KBTBD2: variants seen among roughly 807,000 people sequenced by gnomAD.
KBTBD2 encodes the protein kelch repeat and BTB domain-containing protein 2.
Under a neutral mutation model 57.1 loss-of-function variants are expected in KBTBD2, and 17 were observed. The ratio of observed to expected loss-of-function variants is 0.30; its 90% CI spans 0.20 to 0.45. The LOEUF (loss-of-function observed/expected upper bound fraction) is 0.45. KBTBD2 is among the 20% of genes least tolerant of loss of function. KBTBD2 has a pLI of 1.00. For missense variants in KBTBD2, 515 were observed against 750.6 expected, an observed-to-expected ratio of 0.69 and a Z score of 3.67; for synonymous variants, 267 against 262.7, an observed-to-expected ratio of 1.02 and a Z score of -0.16.
At chr7:32,874,441 TA>T (rs1318966211) in intron 3 of KBTBD2, 1 of 150,280 alleles carries the variant, frequency 6.7e-6, no homozygotes, top group African/African-American at 2.5e-5. Flanking sequence ...AATAAATAAA[TA>T]AAAATAGTAG....
At position 32,891,662 on chromosome 7, in the gene KBTBD2, C is replaced by A. The variant is rs1784749919; in HGVS notation, c.-465G>T. On this transcript the variant is annotated 5_prime_UTR_variant, in exon 1 of 4. Transcript: ENST00000304056. ...GGCCTCGCCTGGGGTCTCGCCTCCG[C>A]CTCCGGCCGAGGAAGGCTGGCGCCG... 6.6e-6 allele frequency: 1 copy of A among 151,242 alleles called. No homozygotes were observed. Among genetic ancestry groups the A allele is most frequent in the Non-Finnish European group, 1.5e-5 (1 of 67,972 alleles). 9.4% of individuals were successfully genotyped at this position (151,242 alleles called of 1,614,324 possible).
chr7:32,874,902 C>T (rs753005905), intron 3 of KBTBD2, 90 bp downstream of exon 3: 102 of 1,013,436 alleles, frequency 1.0e-4, no homozygotes, highest in Non-Finnish European at 1.4e-4. Context: ...ACCTGGGAGG[C>T]GGAGGTTGCA....
chr7:32,888,762 T>C lies in KBTBD2; in HGVS notation c.-339+2774A>G, dbSNP rs1035079769. Among the ~76,000 whole-genome samples, 10 of 151,798 alleles carry C rather than the reference T, an allele frequency of 6.6e-5. No homozygotes were observed. The South Asian group carries it at 2.1e-3, about 32-fold the overall frequency. The stretch of plus-strand genomic sequence containing the variant: ...TAGTCACATTCAGAGCTTAGGTCTG[T>C]TCTCTCTTTCCAACCATACTGATAG... On this transcript the variant is annotated intron_variant, in intron 1 of 3. Transcript: ENST00000304056.
intron 1 of KBTBD2, chr7:32,891,157 G>T (rs924510858): frequency 6.6e-6 from 1 of 151,816 alleles, no homozygotes; most frequent in African/African-American, 2.4e-5. Context: ...AGTCTTTAAG[G>T]GAAACAGCTT....
In KBTBD2 at chr7:32,877,253, G is replaced by A. The variant is rs182536885; in HGVS notation, c.171-2096C>T. Among the ~76,000 whole-genome samples, 973 of 152,090 alleles carry A rather than the reference G, an allele frequency of 6.4e-3. 12 individuals are homozygous for A. Among genetic ancestry groups the A allele is most frequent in the African/African-American group, 0.022 (914 of 41,510 alleles). On this transcript the variant is annotated intron_variant, in intron 2 of 3. Coordinates refer to ENST00000304056, the MANE Select transcript of KBTBD2 (RefSeq NM_015483.3). ...AGGATGGTTTCAATCTCCTGACCTC[G>A]TGATCCGCCCGCCTCTGCCTCCCAA...
chr7:32,875,256 G>C (rs1040923309), intron 2 of KBTBD2, 99 bp from the exon 3 acceptor site: 1 of 1,097,376 alleles, frequency 9.1e-7, no homozygotes, highest in Admixed American at 2.2e-5. Context: ...TTTATTTAGG[G>C]TATTTACTTA....
chr7:32,877,445 T>C (rs1229548589), intron 2 of KBTBD2, among the ~76,000 whole-genome samples: 1 of 152,198 alleles, frequency 6.6e-6, no homozygotes, highest in African/African-American at 2.4e-5. Flanking sequence ...CCAAGAAATA[T>C]TAAAACTATT....
At chr7:32,882,409 A>G (rs898098784) in intron 1 of KBTBD2, among the ~76,000 whole-genome samples, 4 of 152,176 alleles carry the variant, frequency 2.6e-5, no homozygotes, top group Non-Finnish European at 5.9e-5. Context: ...ATTTTCTGCA[A>G]TGATTTTGGG....
chr7:32,882,218 AGT>A (rs1320022883), intron 1 of KBTBD2, among the ~76,000 whole-genome samples: 1 of 152,164 alleles, frequency 6.6e-6, no homozygotes, highest in African/African-American at 2.4e-5. Flanking sequence ...GCATTAATAA[AGT>A]AGAAGTCCTA....
intron 2 of KBTBD2, among the ~76,000 whole-genome samples, chr7:32,877,824 C>T (rs900280843): frequency 2.0e-5 from 3 of 152,050 alleles, no homozygotes; most frequent in African/African-American, 7.2e-5. Flanking sequence ...ACTTCCCAGA[C>T]TTGGCTGGGT....
chr7:32,889,701 A>C (rs1461059270), intron 1 of KBTBD2, among the ~76,000 whole-genome samples: 1 of 152,236 alleles, frequency 6.6e-6, no homozygotes, highest in Non-Finnish European at 1.5e-5. Flanking sequence ...TAAGCTAACA[A>C]AGGACTTTGA....
At chr7:32,878,937 C>A (rs887384396) in intron 2 of KBTBD2, among the ~76,000 whole-genome samples, 2 of 152,172 alleles carry the variant, frequency 1.3e-5, no homozygotes, top group Non-Finnish European at 2.9e-5. Flanking sequence ...ATATTTAAAT[C>A]TGGCAAAGAG....
At chr7:32,876,611 A>T (rs1258244277) in intron 2 of KBTBD2, among the ~76,000 whole-genome samples, 2 of 152,224 alleles carry the variant, frequency 1.3e-5, no homozygotes, top group African/African-American at 4.8e-5. Context: ...CTATGACAAT[A>T]ATATACCTAA....
chr7:32,877,016 T>A (rs540279807), intron 2 of KBTBD2, among the ~76,000 whole-genome samples: 1 of 137,702 alleles, frequency 7.3e-6, no homozygotes, highest in African/African-American at 3.0e-5. Context: ...TAGGATCTGG[T>A]GCTTTTCTTT....
chr7:32,891,861 C>A (rs1175100847), upstream of KBTBD2: 1 of 141,772 alleles, frequency 7.1e-6, no homozygotes, highest in Non-Finnish European at 1.6e-5. Context: ...AGTCCGGGGC[C>A]GCGAGACGCC....
intron 3 of KBTBD2, among the ~76,000 whole-genome samples, chr7:32,872,617 G>C (rs891656635): frequency 6.6e-6 from 1 of 152,202 alleles, no homozygotes; most frequent in Non-Finnish European, 1.5e-5. Flanking sequence ...CGAGGCTGCA[G>C]TGAGCTGTGA....
At position 32,870,894 on chromosome 7, in the gene KBTBD2, GA is replaced by G. The variant is rs78551196; in HGVS notation, c.337-15del. 494 of 1,302,102 alleles carry G rather than the reference GA, an allele frequency of 3.8e-4. No individual in the cohort carries two copies. Among genetic ancestry groups the G allele is most frequent in the Admixed American group, 5.3e-4 (20 of 37,532 alleles). 80.7% of individuals were successfully genotyped at this position (1,302,102 alleles called of 1,614,324 possible). ...CACATCTTCTACCTAGAATGAGAAG[GA>G]AAAAAAAAACAGGCTGATAGGGCCA... On this transcript the variant is annotated splice_polypyrimidine_tract_variant and intron_variant, in intron 3 of 3. Coordinates refer to ENST00000304056, the MANE Select transcript of KBTBD2 (RefSeq NM_015483.3).
intron 3 of KBTBD2, among the ~76,000 whole-genome samples, chr7:32,872,815 A>C (rs371815605): frequency 2.0e-5 from 3 of 152,346 alleles, no homozygotes. Flanking sequence ...GGATGATGTA[A>C]ATCTAACATA....
Position 32,871,516 on chromosome 7 carries a change from C to T in KBTBD2, c.337-636G>A, listed in dbSNP as rs923178805. Among the ~76,000 whole-genome samples the T allele has an allele frequency of 5.6e-4, 85 of 151,940 alleles. 1 individual carries two copies. Among genetic ancestry groups the T allele is most frequent in the African/African-American group, 2.0e-3 (84 of 41,338 alleles). On this transcript the variant is annotated intron_variant, in intron 3 of 3. Coordinates refer to ENST00000304056, the MANE Select transcript of KBTBD2 (RefSeq NM_015483.3). ...TCTCAGTTGAATCAGATGTGCTACC[C>T]ACTATACTTATTCAGCATCACAGTG... is the stretch of plus-strand genomic sequence containing the variant.
Sources: allele counts gnomAD v4.1 joint callset (sites outside exome capture counted in the v4.1 genomes callset), GRCh38; gene constraint gnomAD v4.1.1; transcripts MANE v1.5; gene names NCBI Gene and HGNC (gene_info 2026-07-23, HGNC 2026-07-21).